The following ZBTB49 variants were observed in gnomAD, a reference collection of about 807,000 sequenced individuals.
ZBTB49 encodes zinc finger and BTB domain containing 49, also known as zinc finger and BTB domain-containing protein 49.
A neutral mutation model predicts 57.5 loss-of-function variants in ZBTB49; 43 were observed. The observed-to-expected ratio is 0.75, with a 90% CI of 0.59 to 0.97. The LOEUF is 0.97. ZBTB49 is among the 50% of genes least tolerant of loss of function. The probability of loss-of-function intolerance (pLI) is 0.00; values close to 1 mark genes in which losing one functional copy is unlikely to be tolerated. For synonymous variants in ZBTB49, 369 were observed against 362.1 expected (o/e 1.02, Z -0.22); for missense variants, 938 against 947.7 (o/e 0.99, Z 0.13).
rs747223848 is a variant in ZBTB49, at chr4:4,302,871, A to G, written c.1035A>G (p.Leu345=). Residue 345 remains leucine (L), a synonymous_variant, in exon 3 of 8, where the codon CTA becomes CTG. Transcript: ENST00000337872. ...TGGAATCTGCTAGTAAAAATACCCTAGAGAAAGCTAGCAGCCAAAGTGCTG... is the reference window on the plus strand; with the variant it reads ...TGGAATCTGCTAGTAAAAATACCCTGGAGAAAGCTAGCAGCCAAAGTGCTG... ...KRLESASKNT[L]EKASSQSAEE... 17 of 1,613,858 alleles carry G rather than the reference A, an allele frequency of 1.1e-5. No individual in the cohort carries two copies. The highest frequency in any genetic ancestry group is 1.4e-5 in the Non-Finnish European group (16 of 1,179,900).
At chr4:4,307,022 A>G (rs978563107) in intron 4 of ZBTB49, among the ~76,000 whole-genome samples, 1 of 152,220 alleles carries the variant, frequency 6.6e-6, no homozygotes, top group Admixed American at 6.5e-5. Flanking sequence ...CATTCCCCCT[A>G]GAGCAGACTC....
intron 4 of ZBTB49, among the ~76,000 whole-genome samples, chr4:4,309,846 C>T (rs753426786): frequency 1.7e-4 from 26 of 152,210 alleles, no homozygotes; most frequent in Non-Finnish European, 3.4e-4. Flanking sequence ...CGTTGAATGT[C>T]CTTTTATCAA....
At chr4:4,306,300 T>A (rs1410551318) in intron 4 of ZBTB49, 116 bp downstream of exon 4, 5 of 833,504 alleles carry the variant, frequency 6.0e-6, no homozygotes, top group Non-Finnish European at 9.8e-6. Flanking sequence ...TGTCTGTAAC[T>A]TAAAGACTTC....
chr4:4,297,282 C>T (rs1720251757), intron 1 of ZBTB49, among the ~76,000 whole-genome samples: 1 of 152,138 alleles, frequency 6.6e-6, no homozygotes, highest in Admixed American at 6.5e-5. Context: ...GTTGGCCAGG[C>T]TGGTCTCGAA....
intron 4 of ZBTB49, among the ~76,000 whole-genome samples, chr4:4,312,684 C>A (rs921266436): frequency 1.3e-5 from 2 of 152,136 alleles, no homozygotes; most frequent in Non-Finnish European, 2.9e-5. Context: ...AAATACATGG[C>A]CCAAATAAAA....
At chr4:4,301,071 C>T (rs1211812237) in intron 2 of ZBTB49, among the ~76,000 whole-genome samples, 2 of 152,038 alleles carry the variant, frequency 1.3e-5, no homozygotes, top group South Asian at 2.1e-4. Flanking sequence ...GAAAAATGGT[C>T]GCAAACTCTT....
intron 2 of ZBTB49, 109 bp from the exon 3 acceptor site, chr4:4,301,880 A>T: frequency 1.6e-5 from 18 of 1,112,672 alleles, no homozygotes; most frequent in Non-Finnish European, 2.1e-5. Flanking sequence ...AAAAGTTTTG[A>T]CATTCACAGA....
intron 4 of ZBTB49, among the ~76,000 whole-genome samples, chr4:4,306,507 C>T (rs1214761594): frequency 6.6e-6 from 1 of 152,180 alleles, no homozygotes; most frequent in Non-Finnish European, 1.5e-5. Context: ...GGAGGCTGCA[C>T]ATTGTGCTGG....
chr4:4,316,937 T>A (rs1272089972), intron 7 of ZBTB49, among the ~76,000 whole-genome samples: 1 of 152,140 alleles, frequency 6.6e-6, no homozygotes, highest in African/African-American at 2.4e-5. Flanking sequence ...ACTTGGGAGG[T>A]TGAAGCTGGA....
intron 7 of ZBTB49, among the ~76,000 whole-genome samples, chr4:4,319,170 G>T (rs529080943): frequency 6.6e-6 from 1 of 152,160 alleles, no homozygotes; most frequent in East Asian, 1.9e-4. Context: ...TGGAACTACA[G>T]GTGTGAGCCA....
At chr4:4,298,879 T>C (rs1168618581) in intron 1 of ZBTB49, among the ~76,000 whole-genome samples, 1 of 152,212 alleles carries the variant, frequency 6.6e-6, no homozygotes, top group Non-Finnish European at 1.5e-5. Flanking sequence ...AGCTCTTAAC[T>C]GTTTTGTTTA....
rs1721386983 is a variant in ZBTB49 at position 4,320,917 on chromosome 4, T to C, written c.1899T>C (p.Pro633=). ...TGATGCCAGTGTCGGTTAAACTCCC[T>C]GTCCACCCAGTGGAAAATTCTGTGG... ...VTLMPVSVKL[P]VHPVENSVAE... The change falls in exon 8 of 8, where the codon CCT becomes CCC. Residue 633 remains proline, a synonymous_variant. Transcript: ENST00000337872. The C allele has an allele frequency of 6.2e-7, 1 of 1,614,114 alleles. No homozygotes were observed. Among genetic ancestry groups the C allele is most frequent in the Non-Finnish European group, 8.5e-7 (1 of 1,180,050 alleles).
intron 1 of ZBTB49, among the ~76,000 whole-genome samples, chr4:4,296,933 T>G (rs1471746443): frequency 6.6e-6 from 1 of 152,090 alleles, no homozygotes; most frequent in Non-Finnish European, 1.5e-5. Context: ...AGGTTCATCT[T>G]GGGAAGGAGG....
At chr4:4,307,752 A>G (rs907942716) in intron 4 of ZBTB49, among the ~76,000 whole-genome samples, 5 of 152,080 alleles carry the variant, frequency 3.3e-5, no homozygotes, top group South Asian at 2.1e-4. Context: ...ACTAATGACC[A>G]TGAATAATTA....
chr4:4,309,950 A>C, intron 4 of ZBTB49, among the ~76,000 whole-genome samples: 1 of 151,558 alleles, frequency 6.6e-6, no homozygotes, highest in Non-Finnish European at 1.5e-5. Flanking sequence ...AAGTCTTGAA[A>C]CTCCTGAGCT....
intron 4 of ZBTB49, among the ~76,000 whole-genome samples, chr4:4,310,271 A>G (rs1720926502): frequency 6.6e-6 from 1 of 152,216 alleles, no homozygotes; most frequent in South Asian, 2.1e-4. Context: ...CATAGGTTTA[A>G]CAGTCCAAAC....
chr4:4,304,247 A>G (rs969171917), intron 3 of ZBTB49, among the ~76,000 whole-genome samples: 8 of 142,752 alleles, frequency 5.6e-5, no homozygotes, highest in Non-Finnish European at 9.1e-5. Flanking sequence ...TTTTTTTGAG[A>G]CAGAGTTTCG....
chr4:4,320,681 C>T lies in ZBTB49; in HGVS notation c.1663C>T (p.Arg555Cys), dbSNP rs772988579. ...ATCAGGTGACCTCCGCAGGCATGTC[C>T]GCACTCACACTGGGGAGAAGCCGTA... ...GGSGDLRRHV[R>C]THTGEKPYTC... is the part of the protein sequence containing the mutation. The change falls in exon 8 of 8, where the codon CGC becomes TGC. Residue 555 changes from arginine (R) to cysteine (C), a missense_variant. Arg to Cys is a radical substitution (Grantham distance 180). Around this residue, in one of 3 missense-constraint regions of ZBTB49, gnomAD observed 835 missense variants for 819.1 expected, o/e 1.02. Coordinates refer to ENST00000337872, the MANE Select transcript of ZBTB49 (RefSeq NM_145291.4). The T allele has an allele frequency of 6.2e-6, 10 of 1,614,138 alleles. No homozygotes were observed. The highest frequency in any genetic ancestry group is 7.6e-6 in the Non-Finnish European group (9 of 1,180,022).
Position 4,320,842 on chromosome 4 carries a change from C to G in ZBTB49, c.1824C>G (p.Leu608=), listed in dbSNP as rs749749313. The G allele has an allele frequency of 6.2e-7, 1 of 1,614,094 alleles. No individual in the cohort carries two copies. The highest frequency in any genetic ancestry group is 1.3e-5 in the African/African-American group (1 of 74,932). ...ELSQAIETSD[L]EKSQSSDSFS... ...GCCAAGCCATCGAGACCTCCGACCT[C>G]GAGAAATCTCAGAGCTCAGACTCTT... Residue 608 remains leucine, a synonymous_variant, in exon 8 of 8, where the codon CTC becomes CTG. Coordinates refer to ENST00000337872, the MANE Select transcript of ZBTB49 (RefSeq NM_145291.4).
Sources: gnomAD v4.1 joint callset for allele counts (sites outside exome capture counted in the v4.1 genomes callset) on GRCh38, gnomAD v4.1.1 for gene constraint, gnomAD v4.1.1 regional missense constraint, MANE v1.5 for transcripts, NCBI Gene and HGNC (gene_info 2026-07-23, HGNC 2026-07-21) for gene names.